NEDD4L: variants seen among roughly 807,000 people sequenced by gnomAD.
NEDD4L encodes the protein NEDD4 like E3 ubiquitin protein ligase.
NEDD4L carries 54 observed loss-of-function variants against 148.9 expected under a neutral mutation model. The ratio of observed to expected loss-of-function variants is 0.36; its 90% CI spans 0.29 to 0.45. The LOEUF is 0.45. Ranked by LOEUF, NEDD4L falls within the 20% of genes least tolerant of loss-of-function variation. The pLI, the probability that NEDD4L is intolerant of heterozygous loss-of-function variation, is 1.00. For synonymous variants in NEDD4L, 433 were observed against 440.7 expected (o/e 0.98, Z 0.22); for missense variants, 856 against 1,233.8 (o/e 0.69, Z 4.59).
chr18:58,085,636 G>A (rs996757109), intron 1 of NEDD4L, among the ~76,000 whole-genome samples: 4 of 151,770 alleles, frequency 2.6e-5, no homozygotes, highest in Admixed American at 2.6e-4. Context: ...GGTGAAATGG[G>A]GAATTAGGTA....
At chr18:58,335,577 G>T in intron 13 of NEDD4L, 40 bp downstream of exon 13, 1 of 1,490,274 alleles carries the variant, frequency 6.7e-7, no homozygotes, top group South Asian at 1.1e-5. Context: ...GCAAGAGGCC[G>T]TGAGGCAGTT....
intron 2 of NEDD4L, chr18:58,227,989 A>G (rs2148056156): frequency 4.0e-6 from 1 of 250,220 alleles, no homozygotes; most frequent in East Asian, 1.8e-4. Flanking sequence ...GCTCTTGCCC[A>G]GCATGTGAAA....
rs139101384 is a variant in NEDD4L, at chr18:58,391,429, A to G, written c.2753-58A>G. 362 of 1,403,500 alleles carry G rather than the reference A, an allele frequency of 2.6e-4. 1 individual carries two copies. In the African/African-American group the frequency reaches 4.4e-3, roughly 17 times the overall value. The allele number at this position is 1,403,500 out of a possible 1,614,324, so 86.9% of individuals were successfully genotyped here. ...CAGTAGCTGGACTGCAGACCACACC[A>G]TAGCTTCATTCTTCTGCCCCAAGCA... On this transcript the variant is annotated intron_variant, in intron 29 of 30. Transcript: ENST00000400345.
At chr18:58,175,348 G>A (rs2038004426) in intron 2 of NEDD4L, among the ~76,000 whole-genome samples, 1 of 152,246 alleles carries the variant, frequency 6.6e-6, no homozygotes, top group Non-Finnish European at 1.5e-5. Context: ...GGTTTCCCTT[G>A]CTGACACGTG....
chr18:58,234,093 CTTTCTTTCTTTTCT>C (rs1187939851), intron 2 of NEDD4L, among the ~76,000 whole-genome samples: 1 of 101,642 alleles, frequency 9.8e-6, no homozygotes, highest in African/African-American at 4.1e-5. Context: ...TTCTTTCTTT[CTTTCTTTCTTTTCT>C]TTTCTTTTCT....
chr18:58,101,791 A>G (rs1010006733), intron 1 of NEDD4L, among the ~76,000 whole-genome samples: 4 of 152,224 alleles, frequency 2.6e-5, no homozygotes, highest in African/African-American at 4.8e-5. Context: ...GCAAATGTCA[A>G]CTGTAAACCA....
At chr18:58,217,709 C>T (rs868233545) in intron 2 of NEDD4L, among the ~76,000 whole-genome samples, 1 of 152,166 alleles carries the variant, frequency 6.6e-6, no homozygotes, top group Non-Finnish European at 1.5e-5. Context: ...AAAGATAAAA[C>T]ATAAAGCATT....
Position 58,364,939 on chromosome 18 carries a change from T to A in NEDD4L, c.1833+606T>A, listed in dbSNP as rs188409211. ...CATCCCCAAATTGTTCAACATTGCA[T>A]CCTCTGTTTTACTTTCCGATTCCTC... is the stretch of plus-strand genomic sequence containing the variant. On this transcript the variant is annotated intron_variant, in intron 20 of 30. Transcript: ENST00000400345. 2.6e-5 allele frequency among the ~76,000 whole-genome samples: 4 copies of A among 152,340 alleles called. 1 individual carries two copies. Among genetic ancestry groups the A allele is most frequent in the Admixed American group, 2.6e-4 (4 of 15,304 alleles).
At chr18:58,388,216 G>A (rs2049308536) in intron 27 of NEDD4L, 1 of 152,242 alleles carries the variant, frequency 6.6e-6, no homozygotes. Context: ...AGAAGCCGTT[G>A]GTGGGACTCG....
At chr18:58,345,667 T>TAC (rs201300572) in intron 16 of NEDD4L, among the ~76,000 whole-genome samples, 98 of 152,308 alleles carry the variant, frequency 6.4e-4, no homozygotes, top group African/African-American at 2.3e-3. Context: ...GATGACCTTT[T>TAC]ACACACACAC....
At chr18:58,327,395 C>G (rs1398387665) in intron 9 of NEDD4L, among the ~76,000 whole-genome samples, 1 of 152,194 alleles carries the variant, frequency 6.6e-6, no homozygotes, top group Non-Finnish European at 1.5e-5. Context: ...CCACGCCCGG[C>G]TGAAAAATGC....
chr18:58,363,579 C>T (rs1316029351), intron 19 of NEDD4L, among the ~76,000 whole-genome samples: 1 of 152,096 alleles, frequency 6.6e-6, no homozygotes, highest in Non-Finnish European at 1.5e-5. Context: ...TACTCCTTTG[C>T]CTGAAGAGAT....
At chr18:58,393,753 G>A (rs1003842214) in intron 30 of NEDD4L, among the ~76,000 whole-genome samples, 3 of 152,172 alleles carry the variant, frequency 2.0e-5, no homozygotes, top group Admixed American at 1.3e-4. Context: ...CCATACATAG[G>A]TTTAATTTCT....
chr18:58,256,327 C>A lies in NEDD4L; in HGVS notation c.297+4273C>A. 8.1e-7 allele frequency: 1 copy of A among 1,232,006 alleles called. No individual in the cohort carries two copies. 76.3% of individuals were successfully genotyped at this position (1,232,006 alleles called of 1,614,324 possible). A position where few individuals can be genotyped will look rare whatever the true frequency, so the allele number is the denominator to read the frequency against. On this transcript the variant is annotated intron_variant, in intron 5 of 30. Transcript: ENST00000400345. This position sits in a 1 kb window ranked among gnomAD's most constrained non-coding sequence, Gnocchi z 5.2. ...AGCCCAGGCGCTGGTCCCTGCAGCA[C>A]GTTCCAGATGCTTCTGGAAGCTCTG...
At chr18:58,351,769 A>G (rs933318161) in intron 18 of NEDD4L, among the ~76,000 whole-genome samples, 3 of 152,212 alleles carry the variant, frequency 2.0e-5, no homozygotes, top group African/African-American at 7.2e-5. Context: ...AAATAGATGT[A>G]AAGTTTCAAC....
At chr18:58,349,373 A>G (rs1032756820) in intron 16 of NEDD4L, among the ~76,000 whole-genome samples, 164 bp from the exon 17 acceptor site, 4 of 152,018 alleles carry the variant, frequency 2.6e-5, no homozygotes, top group Non-Finnish European at 1.5e-5. Context: ...CTCGAGAGAC[A>G]GTCAGCCAGG....
intron 2 of NEDD4L, among the ~76,000 whole-genome samples, chr18:58,215,136 G>T (rs2043038608): frequency 6.6e-6 from 1 of 152,104 alleles, no homozygotes; most frequent in Non-Finnish European, 1.5e-5. Context: ...ATATCTATGT[G>T]TGAGGGTTTC....
chr18:58,385,663 C>G, intron 26 of NEDD4L, 77 bp downstream of exon 26: 3 of 1,202,060 alleles, frequency 2.5e-6, no homozygotes, highest in Non-Finnish European at 3.7e-6. Flanking sequence ...TCTCCTTTAG[C>G]TAGTGTGGTG....
intron 5 of NEDD4L, among the ~76,000 whole-genome samples, chr18:58,305,721 A>G (rs142457928): frequency 1.3e-3 from 193 of 152,300 alleles, no homozygotes; most frequent in Admixed American, 2.3e-3. Flanking sequence ...TTCAAAATAC[A>G]TATAATCTTT....
Sources: gnomAD v4.1 joint callset for allele counts (sites outside exome capture counted in the v4.1 genomes callset) on GRCh38, gnomAD v4.1.1 for gene constraint, Gnocchi (gnomAD v3.1) non-coding constraint, MANE v1.5 for transcripts, NCBI Gene and HGNC (gene_info 2026-07-23, HGNC 2026-07-21) for gene names.